The following KIF13B variants were observed in gnomAD, a reference collection of about 807,000 sequenced individuals.
KIF13B encodes the protein kinesin family member 13B.
Under a neutral mutation model 222.0 loss-of-function variants are expected in KIF13B, and 127 were observed. The ratio of observed to expected loss-of-function variants is 0.57; its 90% confidence interval spans 0.50 to 0.66. KIF13B has a LOEUF of 0.66. Ranked by LOEUF, KIF13B falls within the 30% of genes least tolerant of loss-of-function variation. KIF13B has a pLI of 0.00. For synonymous variants in KIF13B, 976 were observed against 919.0 expected, an observed-to-expected ratio of 1.06 and a Z score of -1.12; for missense variants, 2,173 against 2,379.0, an observed-to-expected ratio of 0.91 and a Z score of 1.80.
chr8:29,072,338 G>A, intron 38 of KIF13B, 22 bp from the exon 39 acceptor site: 3 of 1,383,598 alleles, frequency 2.2e-6, no homozygotes, highest in South Asian at 3.7e-5. Context: ...CGGGGAAGCA[G>A]GGGCTGAGAA....
At chr8:29,075,186 A>C in intron 38 of KIF13B, 95 bp downstream of exon 38, 3 of 920,788 alleles carry the variant, frequency 3.3e-6, no homozygotes, top group Non-Finnish European at 5.2e-6. Context: ...AGGAATGCTA[A>C]CATCAAAAAC....
intron 22 of KIF13B, among the ~76,000 whole-genome samples, chr8:29,133,352 G>A (rs1450208487): frequency 6.6e-6 from 1 of 152,200 alleles, no homozygotes; most frequent in African/African-American, 2.4e-5. Flanking sequence ...ACTTTGGGAG[G>A]CTGAGGTGGG....
Position 29,114,485 on chromosome 8 carries a change from T to C in KIF13B, c.3838-930A>G, listed in dbSNP as rs116144393. On this transcript the variant is annotated intron_variant, in intron 31 of 39. Coordinates refer to ENST00000524189, the MANE Select transcript of KIF13B (RefSeq NM_015254.4). Reference sequence around the variant, plus strand: ...AAGGCTAATTACACAAGTCAAGGTATAGAGATCACTGTCCTTAGGGGTGGT... The same window carrying C: ...AAGGCTAATTACACAAGTCAAGGTACAGAGATCACTGTCCTTAGGGGTGGT... 5.4e-3 allele frequency among the ~76,000 whole-genome samples: 819 copies of C among 152,322 alleles called. 6 individuals carry two copies. The highest frequency in any genetic ancestry group is 0.018 in the African/African-American group (749 of 41,560).
intron 4 of KIF13B, 91 bp from the exon 5 acceptor site, chr8:29,188,698 T>A: frequency 1.3e-6 from 1 of 753,404 alleles, no homozygotes; most frequent in Non-Finnish European, 2.2e-6. Flanking sequence ...CAAAAATGTA[T>A]AATCTGCTTA....
At chr8:29,185,342 G>A (rs1298120976) in intron 6 of KIF13B, among the ~76,000 whole-genome samples, 2 of 152,174 alleles carry the variant, frequency 1.3e-5, no homozygotes, top group Non-Finnish European at 2.9e-5. Context: ...CTAATTTGTA[G>A]GAGCCTCCTT....
chr8:29,167,376 T>C lies in KIF13B; in HGVS notation c.1155A>G (p.Ala385=). Residue 385 remains alanine, a synonymous_variant, in exon 11 of 40, where the codon GCA becomes GCG. Transcript: ENST00000524189. Reference sequence around the variant, plus strand: ...CGCACGCGGTGGTGCCTCCTACCTCTGCTTTGGTCAGCTGCTCCCGGAGTT... The same window carrying C: ...CGCACGCGGTGGTGCCTCCTACCTCCGCTTTGGTCAGCTGCTCCCGGAGTT... ...VEKLREQLTK[A]EAMKSPELKD... is the part of the protein sequence containing the mutation. The C allele has an allele frequency of 2.5e-6, 4 of 1,611,998 alleles. No individual in the cohort carries two copies. Among genetic ancestry groups the C allele is most frequent in the Non-Finnish European group, 3.4e-6 (4 of 1,179,498 alleles).
chr8:29,167,353 C>A lies in KIF13B; in HGVS notation c.1158+20G>T, dbSNP rs547160657. The A allele has an allele frequency of 3.3e-5, 52 of 1,594,318 alleles. No homozygotes were observed. In the African/African-American group the frequency reaches 6.4e-4, roughly 20 times the overall value. ...TTCCTCTTCCTGGACTCACAGGGCG[C>A]ACGCGGTGGTGCCTCCTACCTCTGC... On this transcript the variant is annotated intron_variant, in intron 11 of 39. Transcript: ENST00000524189.
chr8:29,093,134 G>C (rs1159118182), intron 36 of KIF13B, among the ~76,000 whole-genome samples: 1 of 152,158 alleles, frequency 6.6e-6, no homozygotes, highest in Non-Finnish European at 1.5e-5. Flanking sequence ...ATCAGCATCA[G>C]AACAGTAATT....
rs758919428 is a variant in KIF13B at position 29,161,371 on chromosome 8, G to A, written c.1270-504C>T. 2.0e-4 allele frequency among the ~76,000 whole-genome samples: 31 copies of A among 152,132 alleles called. 1 individual carries two copies. The highest frequency in any genetic ancestry group is 3.4e-4 in the Non-Finnish European group (23 of 68,024). ...TGTCTTCTCACTCCTGTCAAACCCA[G>A]CACTGCATGAAACAAGTTCCAGGTC... is the stretch of plus-strand genomic sequence containing the variant. On this transcript the variant is annotated intron_variant, in intron 12 of 39. Coordinates refer to ENST00000524189, the MANE Select transcript of KIF13B (RefSeq NM_015254.4).
intron 18 of KIF13B, 115 bp downstream of exon 18, chr8:29,146,263 G>A: frequency 9.8e-7 from 1 of 1,020,332 alleles, no homozygotes; most frequent in Non-Finnish European, 1.5e-6. Flanking sequence ...GGAGGACAAA[G>A]GATCTGGACT....
In KIF13B at chr8:29,134,192, T is replaced by C; in HGVS notation, c.2632A>G (p.Thr878Ala). The C allele has an allele frequency of 6.2e-7, 1 of 1,613,890 alleles. No individual in the cohort carries two copies. The highest frequency in any genetic ancestry group is 8.5e-7 in the Non-Finnish European group (1 of 1,179,870). The change falls in exon 22 of 40, where the codon ACT becomes GCT. Residue 878 changes from threonine (T) to alanine (A), a missense_variant. By Grantham distance (58) the Thr-to-Ala change is moderately conservative. Transcript: ENST00000524189. ...TGGGACAGATGCTGTGGCAACCCAG[T>C]AGCTTGCAGGATTTTAACCTGAAGG... Reference protein sequence around the residue: ...LVCMVKILQATGLPQHLSHFV... With the variant: ...LVCMVKILQAAGLPQHLSHFV...
intron 1 of KIF13B, among the ~76,000 whole-genome samples, chr8:29,261,803 T>A (rs1488496490): frequency 1.0e-5 from 1 of 98,026 alleles, no homozygotes; most frequent in Non-Finnish European, 1.9e-5. Context: ...TTCCCATAGA[T>A]GAGATAACTC....
intron 2 of KIF13B, among the ~76,000 whole-genome samples, chr8:29,221,097 CTTTTTTTTTT>C (rs60915605): frequency 4.4e-5 from 5 of 112,808 alleles, no homozygotes; most frequent in African/African-American, 3.9e-5. Context: ...GAGCTGTGTT[CTTTTTTTTTT>C]TTTTTTTTTT....
intron 3 of KIF13B, among the ~76,000 whole-genome samples, chr8:29,193,522 C>A (rs7836943): frequency 0.04 from 6,084 of 152,258 alleles, 416 homozygotes; most frequent in African/African-American, 0.14. Flanking sequence ...TTAATTAATT[C>A]TGTTCTTAAT....
At chr8:29,202,092 C>T (rs1160887814) in intron 2 of KIF13B, among the ~76,000 whole-genome samples, 2 of 152,108 alleles carry the variant, frequency 1.3e-5, no homozygotes, top group Non-Finnish European at 2.9e-5. Flanking sequence ...TAGAGTATGA[C>T]TGGAGAATAA....
intron 1 of KIF13B, among the ~76,000 whole-genome samples, chr8:29,254,789 T>C (rs532802108): frequency 1.8e-4 from 27 of 152,300 alleles, no homozygotes; most frequent in Non-Finnish European, 2.8e-4. Context: ...CCTATACATA[T>C]GCGTATCTGA....
chr8:29,216,155 A>T (rs1254602297), intron 2 of KIF13B, among the ~76,000 whole-genome samples: 4 of 152,216 alleles, frequency 2.6e-5, no homozygotes, highest in African/African-American at 4.8e-5. Flanking sequence ...GCTAAACGTC[A>T]AATACCTGGT....
At position 29,071,515 on chromosome 8, in the gene KIF13B, G is replaced by A; in HGVS notation, c.5218+105C>T. ...GCTTCAGCCAAGCCGCTGCCTCCCGGCCCCTCCCTCTCCTGCCCGGACCCT... is the reference window on the plus strand; with the variant it reads ...GCTTCAGCCAAGCCGCTGCCTCCCGACCCCTCCCTCTCCTGCCCGGACCCT... On this transcript the variant is annotated intron_variant, in intron 39 of 39. Transcript: ENST00000524189. The surrounding 1 kb of genome is among the most constrained non-coding windows in gnomAD (Gnocchi z 4.9). 5.7e-6 allele frequency: 6 copies of A among 1,056,650 alleles called. No individual in the cohort carries two copies. The South Asian group carries it at 8.4e-5, about 15-fold the overall frequency. The allele number at this position is 1,056,650 out of a possible 1,614,324, so 65.5% of individuals were successfully genotyped here.
chr8:29,130,774 G>A (rs1367661891), intron 23 of KIF13B, 109 bp from the exon 24 acceptor site: 2 of 957,052 alleles, frequency 2.1e-6, no homozygotes, highest in Non-Finnish European at 3.2e-6. Context: ...TCCAAACAGA[G>A]TAATTCAGAA....
Sources: allele counts gnomAD v4.1 joint callset (sites outside exome capture counted in the v4.1 genomes callset), GRCh38; gene constraint gnomAD v4.1.1; non-coding constraint Gnocchi (gnomAD v3.1); transcripts MANE v1.5; gene names NCBI Gene and HGNC (gene_info 2026-07-23, HGNC 2026-07-21).